PROM1: variants seen among roughly 807,000 people sequenced by gnomAD.
PROM1 encodes prominin-1.
PROM1 carries 105 observed loss-of-function variants against 116.9 expected under a neutral mutation model. The observed-to-expected ratio is 0.90, with a 90% CI of 0.77 to 1.06. The LOEUF is 1.06. Among genes scored for constraint, PROM1 ranks in the 50% least tolerant of loss-of-function variants. PROM1 has a pLI of 0.00. For missense variants in PROM1, 1,122 were observed against 1,045.2 expected (o/e 1.07, Z -1.01); for synonymous variants, 393 against 387.0 (o/e 1.02, Z -0.18).
rs185948841 is a variant in PROM1 at position 15,977,800 on chromosome 4, G to A, written c.2582+1595C>T. On this transcript the variant is annotated intron_variant, in intron 26 of 27. Coordinates refer to ENST00000447510, the MANE Select transcript of PROM1 (RefSeq NM_006017.3). ...TTTTTAGTAGAGACAAGGTTTCACCGTGTTAGCCAGGATGGTCTTGATCTC... is the reference window on the plus strand; with the variant it reads ...TTTTTAGTAGAGACAAGGTTTCACCATGTTAGCCAGGATGGTCTTGATCTC... Among the ~76,000 whole-genome samples, 258 of 152,220 alleles carry A rather than the reference G, an allele frequency of 1.7e-3. 1 individual carries two copies. In the East Asian group the frequency reaches 0.03, roughly 18 times the overall value.
chr4:16,055,799 C>T (rs1341709736), intron 2 of PROM1, among the ~76,000 whole-genome samples: 1 of 152,168 alleles, frequency 6.6e-6, no homozygotes, highest in Admixed American at 6.5e-5. Context: ...GCATAAACAT[C>T]ACAGACCTTC....
intron 11 of PROM1, among the ~76,000 whole-genome samples, chr4:16,009,738 G>A (rs765730917): frequency 1.3e-5 from 2 of 151,938 alleles, no homozygotes; most frequent in Non-Finnish European, 2.9e-5. Context: ...TCAGAAGTTC[G>A]AGACCAGCCT....
At chr4:16,057,640 G>T (rs1039874371) in intron 2 of PROM1, among the ~76,000 whole-genome samples, 110 of 152,228 alleles carry the variant, frequency 7.2e-4, no homozygotes, top group Non-Finnish European at 1.9e-4. Context: ...GGCTGATGGG[G>T]AAAACAGATC....
intron 10 of PROM1, among the ~76,000 whole-genome samples, chr4:16,013,780 C>T (rs1028250040): frequency 6.6e-6 from 1 of 152,106 alleles, no homozygotes; most frequent in Non-Finnish European, 1.5e-5. Flanking sequence ...AAATACCCAA[C>T]CATGCACAGG....
intron 5 of PROM1, among the ~76,000 whole-genome samples, chr4:16,025,899 T>C (rs1034402210): frequency 2.0e-5 from 3 of 152,230 alleles, no homozygotes; most frequent in Non-Finnish European, 4.4e-5. Flanking sequence ...TAAAATGGTA[T>C]GTGAGAAGCC....
At chr4:16,009,934 CAAAAAA>C (rs4065768) in intron 11 of PROM1, among the ~76,000 whole-genome samples, 1 of 75,438 alleles carries the variant, frequency 1.3e-5, no homozygotes, top group African/African-American at 5.6e-5. Context: ...GACTCGCTCT[CAAAAAA>C]AAAAAAAAAA....
intron 3 of PROM1, 110 bp downstream of exon 3, chr4:16,038,836 A>G: frequency 9.1e-7 from 1 of 1,100,738 alleles, no homozygotes. Context: ...AAAAAAGATT[A>G]CTAAAATTGC....
intron 2 of PROM1, among the ~76,000 whole-genome samples, chr4:16,066,925 A>G (rs1741670477): frequency 6.6e-6 from 1 of 152,164 alleles, no homozygotes; most frequent in Admixed American, 6.5e-5. Context: ...TTATTTATGT[A>G]GGGCAAGATA....
At chr4:16,005,393 A>AT (rs1434781063) in intron 13 of PROM1, among the ~76,000 whole-genome samples, 2 of 152,192 alleles carry the variant, frequency 1.3e-5, no homozygotes, top group African/African-American at 4.8e-5. Flanking sequence ...GTAAAGGCCT[A>AT]TACCATACTG....
At chr4:16,066,100 C>A (rs1309830760) in intron 2 of PROM1, among the ~76,000 whole-genome samples, 3 of 152,136 alleles carry the variant, frequency 2.0e-5, no homozygotes, top group Non-Finnish European at 4.4e-5. Context: ...CGTGGCCCTG[C>A]CCACACCTAG....
chr4:16,065,689 TTCTG>T (rs1375317643), intron 2 of PROM1, among the ~76,000 whole-genome samples: 1 of 152,186 alleles, frequency 6.6e-6, no homozygotes, highest in Non-Finnish European at 1.5e-5. Context: ...TTCAATCTGA[TTCTG>T]TCTTTCTCAA....
chr4:16,056,800 G>T (rs947942485), intron 2 of PROM1, among the ~76,000 whole-genome samples: 2 of 152,200 alleles, frequency 1.3e-5, no homozygotes, highest in East Asian at 1.9e-4. Context: ...TATTACAGGG[G>T]TTTGGGGCTA....
chr4:16,083,251 GA>G (rs1745376234), intron 1 of PROM1: 1 of 152,006 alleles, frequency 6.6e-6, no homozygotes, highest in South Asian at 2.1e-4. Flanking sequence ...CGTTCTCCCC[GA>G]GAGCGAGTCC....
At chr4:15,988,599 C>T (rs1434609556) in intron 19 of PROM1, among the ~76,000 whole-genome samples, 1 of 152,108 alleles carries the variant, frequency 6.6e-6, no homozygotes, top group Non-Finnish European at 1.5e-5. Context: ...TTGCCAACCC[C>T]TGGTTTAGAT....
At chr4:15,995,228 T>A (rs894291087) in intron 15 of PROM1, among the ~76,000 whole-genome samples, 3 of 151,896 alleles carry the variant, frequency 2.0e-5, no homozygotes, top group African/African-American at 7.3e-5. Context: ...AAGTGACACA[T>A]GTGGTTGGGT....
At chr4:15,972,453 C>T (rs1476636290) in intron 26 of PROM1, among the ~76,000 whole-genome samples, 1 of 152,164 alleles carries the variant, frequency 6.6e-6, no homozygotes, top group East Asian at 1.9e-4. Context: ...GAGCTTCCTC[C>T]TTTTATCAGG....
At chr4:16,012,031 G>A (rs1485593075) in intron 11 of PROM1, among the ~76,000 whole-genome samples, 2 of 151,718 alleles carry the variant, frequency 1.3e-5, no homozygotes, top group Non-Finnish European at 2.9e-5. Flanking sequence ...TTTTGAGAGA[G>A]AGTCGCCCAG....
intron 2 of PROM1, among the ~76,000 whole-genome samples, chr4:16,066,191 T>C (rs1275379639): frequency 1.3e-5 from 2 of 152,240 alleles, no homozygotes; most frequent in East Asian, 1.9e-4. Context: ...TAATGTGTTA[T>C]GGTTGCCCTA....
chr4:16,027,325 A>ACACACACACAC (rs1731581048), intron 5 of PROM1, among the ~76,000 whole-genome samples: 2 of 105,908 alleles, frequency 1.9e-5, no homozygotes, highest in Admixed American at 1.1e-4. Context: ...CACACACACA[A>ACACACACACAC]AAGTTGAGTC....
Sources: allele counts gnomAD v4.1 joint callset (sites outside exome capture counted in the v4.1 genomes callset), GRCh38; gene constraint gnomAD v4.1.1; transcripts MANE v1.5; gene names NCBI Gene and HGNC (gene_info 2026-07-23, HGNC 2026-07-21).